The following LRPPRC variants were observed in gnomAD, a reference collection of about 807,000 sequenced individuals.
The protein encoded by LRPPRC is leucine-rich PPR motif-containing protein, mitochondrial.
Under a neutral mutation model 180.3 loss-of-function variants are expected in LRPPRC, and 120 were observed. The ratio of observed to expected loss-of-function variants is 0.67; its 90% CI spans 0.57 to 0.77. LRPPRC has a LOEUF of 0.77. Among genes scored for constraint, LRPPRC ranks in the 30% least tolerant of loss-of-function variants. The pLI is 0.00. For synonymous variants in LRPPRC, 723 were observed against 600.0 expected (o/e 1.21, Z -3.00); for missense variants, 2,012 against 1,657.2 (o/e 1.21, Z -3.72).
At chr2:43,926,165 T>A (rs1671870532) in intron 25 of LRPPRC, among the ~76,000 whole-genome samples, 1 of 152,192 alleles carries the variant, frequency 6.6e-6, no homozygotes, top group African/African-American at 2.4e-5. Context: ...CCCATAGTTA[T>A]CAAAGACCTT....
At chr2:43,987,153 C>G (rs899519420) in intron 1 of LRPPRC, among the ~76,000 whole-genome samples, 1 of 152,088 alleles carries the variant, frequency 6.6e-6, no homozygotes, top group African/African-American at 2.4e-5. Context: ...TGGAGCCTCC[C>G]GAGTTTTAAA....
chr2:43,946,917 T>C lies in LRPPRC; in HGVS notation c.2079+340A>G, dbSNP rs138889017. ...AATCCCTGCATTAACAACCTAGTAA[T>C]ATTTGACTTGCAAATGACTACTGCG... On this transcript the variant is annotated intron_variant, in intron 20 of 37. Coordinates refer to ENST00000260665, the MANE Select transcript of LRPPRC (RefSeq NM_133259.4). 2.1e-3 allele frequency among the ~76,000 whole-genome samples: 315 copies of C among 152,192 alleles called. 2 individuals are homozygous for C. Among genetic ancestry groups the C allele is most frequent in the African/African-American group, 7.1e-3 (296 of 41,560 alleles).
rs1262409796 is a variant in LRPPRC at position 43,974,088 on chromosome 2, C to T, written c.1155+62G>A. 4.7e-6 allele frequency: 7 copies of T among 1,479,192 alleles called. No homozygotes were observed. The African/African-American group carries it at 1.0e-4, about 21-fold the overall frequency. 91.6% of individuals were successfully genotyped at this position (1,479,192 alleles called of 1,614,324 possible). On this transcript the variant is annotated intron_variant, in intron 9 of 37. Coordinates refer to ENST00000260665, the MANE Select transcript of LRPPRC (RefSeq NM_133259.4). ...GTCTAATCTTATAAATGTTCCTATA[C>T]TTTAAAGAATCTTATTTCACTGCCA...
intron 30 of LRPPRC, among the ~76,000 whole-genome samples, chr2:43,906,362 C>A (rs1409309433): frequency 6.6e-6 from 1 of 152,092 alleles, no homozygotes; most frequent in Non-Finnish European, 1.5e-5. Context: ...TTCACACAAC[C>A]ATCTTGCCCT....
intron 23 of LRPPRC, among the ~76,000 whole-genome samples, chr2:43,936,358 T>C (rs1406010230): frequency 6.6e-6 from 1 of 152,120 alleles, no homozygotes; most frequent in Non-Finnish European, 1.5e-5. Flanking sequence ...GAATAAGAAA[T>C]TAACGATTTA....
At chr2:43,909,826 G>C (rs1415921580) in intron 30 of LRPPRC, among the ~76,000 whole-genome samples, 1 of 151,896 alleles carries the variant, frequency 6.6e-6, no homozygotes, top group South Asian at 2.1e-4. Flanking sequence ...GAGAAGAAGG[G>C]AAGAAGATAA....
At chr2:43,926,519 C>G (rs1671884879) in intron 25 of LRPPRC, among the ~76,000 whole-genome samples, 1 of 152,074 alleles carries the variant, frequency 6.6e-6, no homozygotes, top group Admixed American at 6.5e-5. Context: ...AGGTGTGTGC[C>G]ACCACACCTG....
chr2:43,942,738 A>G (rs1407474225), intron 23 of LRPPRC, among the ~76,000 whole-genome samples: 1 of 152,072 alleles, frequency 6.6e-6, no homozygotes, highest in Non-Finnish European at 1.5e-5. Context: ...CCTGGCATCA[A>G]CAGGACAACA....
At chr2:43,987,693 A>C (rs958594812) in intron 1 of LRPPRC, among the ~76,000 whole-genome samples, 5 of 152,096 alleles carry the variant, frequency 3.3e-5, no homozygotes. Flanking sequence ...GGATTTCTGC[A>C]ACAAATCTTT....
chr2:43,955,404 G>GGCTGCAATGAGCCATGTTCGTACC (rs1385063130), intron 14 of LRPPRC, among the ~76,000 whole-genome samples: 316 of 151,058 alleles, frequency 2.1e-3, no homozygotes, highest in Non-Finnish European at 3.8e-3. Context: ...AGAATTTGGA[G>GGCTGCAATGAGCCATGTTCGTACC]GCTGCAATGA....
At chr2:43,941,393 G>C (rs1672475530) in intron 23 of LRPPRC, among the ~76,000 whole-genome samples, 3 of 152,094 alleles carry the variant, frequency 2.0e-5, no homozygotes, top group Admixed American at 1.3e-4. Flanking sequence ...AAAGGGTGAA[G>C]ATTTATGATG....
chr2:43,996,140 A>C, upstream of LRPPRC: 1 of 545,380 alleles, frequency 1.8e-6, no homozygotes, highest in South Asian at 2.2e-5. Flanking sequence ...TAATATTTAC[A>C]TAAACGATGT....
At chr2:43,990,436 C>CTG (rs1201953365) in intron 1 of LRPPRC, among the ~76,000 whole-genome samples, 1 of 152,154 alleles carries the variant, frequency 6.6e-6, no homozygotes, top group Non-Finnish European at 1.5e-5. Flanking sequence ...TTCCTATAAT[C>CTG]TACATAAACT....
Position 43,918,041 on chromosome 2 carries a change from T to C in LRPPRC, c.3132A>G (p.Arg1044=), listed in dbSNP as rs1671540454. 1.9e-6 allele frequency: 3 copies of C among 1,612,388 alleles called. No individual in the cohort carries two copies. The East Asian group carries it at 6.7e-5, about 36-fold the overall frequency. Residue 1044 remains arginine, a synonymous_variant, in exon 29 of 38, where the codon CGA becomes CGG. Coordinates refer to ENST00000260665, the MANE Select transcript of LRPPRC (RefSeq NM_133259.4). The part of the protein sequence containing the change: ...DFQKDILIAC[R]LNQKKGAYDI... Reference sequence around the variant, plus strand: ...TGTGCTTGCCTTTTTTTTGGTTCAATCGGCAGGCAATCAATATATCTTTCT... The same window carrying C: ...TGTGCTTGCCTTTTTTTTGGTTCAACCGGCAGGCAATCAATATATCTTTCT...
intron 30 of LRPPRC, among the ~76,000 whole-genome samples, chr2:43,911,424 C>T (rs1259111759): frequency 1.3e-5 from 2 of 151,856 alleles, no homozygotes; most frequent in Non-Finnish European, 2.9e-5. Flanking sequence ...GAAAGGATGG[C>T]AGGCATCCAT....
chr2:43,950,789 G>A (rs1460592727), intron 14 of LRPPRC, among the ~76,000 whole-genome samples, 189 bp from the exon 15 acceptor site: 3 of 152,164 alleles, frequency 2.0e-5, no homozygotes, highest in Non-Finnish European at 4.4e-5. Flanking sequence ...TTCAAAATAG[G>A]CCAGGCCTGG....
intron 37 of LRPPRC, among the ~76,000 whole-genome samples, chr2:43,889,308 C>CCAT (rs1373208391): frequency 1.5e-5 from 1 of 66,372 alleles, no homozygotes; most frequent in Non-Finnish European, 2.6e-5. Context: ...CAGCGAGACT[C>CCAT]CATCTCAAAA....
Position 43,948,430 on chromosome 2 carries a change from G to T in LRPPRC, c.1824C>A (p.Phe608Leu), listed in dbSNP as rs779762455. 2 of 1,609,646 alleles carry T rather than the reference G, an allele frequency of 1.2e-6. No homozygotes were observed. The highest frequency in any genetic ancestry group is 2.2e-5 in the East Asian group (1 of 44,860). Residue 608 changes from phenylalanine to leucine, a missense_variant, in exon 17 of 38, where the codon TTC becomes TTA. Coordinates refer to ENST00000260665, the MANE Select transcript of LRPPRC (RefSeq NM_133259.4). ...QAKEEHLRQY[F>L]HQLEKMNVKI... ...ATGGTACCATCTTCTCCAGCTGATG[G>T]AAGTATTGTCTCAAATGCTCCTCCT...
chr2:43,987,661 C>A (rs527437656), intron 1 of LRPPRC, among the ~76,000 whole-genome samples: 1 of 152,270 alleles, frequency 6.6e-6, no homozygotes, highest in East Asian at 1.9e-4. Context: ...GCTTAGATGT[C>A]TGAGGCTCTT....
Sources: gnomAD v4.1 joint callset for allele counts (sites outside exome capture counted in the v4.1 genomes callset) on GRCh38, gnomAD v4.1.1 for gene constraint, MANE v1.5 for transcripts, NCBI Gene and HGNC (gene_info 2026-07-23, HGNC 2026-07-21) for gene names.